Variants in OSBPL9 observed in about 807,000 individuals in gnomAD.
OSBPL9 encodes oxysterol-binding protein-related protein 9.
Under a neutral mutation model 106.6 loss-of-function variants are expected in OSBPL9, and 40 were observed. The ratio of observed to expected loss-of-function variants is 0.38; its 90% CI spans 0.29 to 0.49. The LOEUF (loss-of-function observed/expected upper bound fraction) is 0.49, where lower values mean the gene tolerates loss of function less well. Ranked by LOEUF, OSBPL9 falls within the 20% of genes least tolerant of loss-of-function variation. The pLI is 0.97. For missense variants in OSBPL9, 609 were observed against 887.2 expected, an observed-to-expected ratio of 0.69 and a Z score of 3.98; for synonymous variants, 269 against 295.4, an observed-to-expected ratio of 0.91 and a Z score of 0.92.
chr1:51,578,388 C>G (rs1243698220), intron 1 of OSBPL9, among the ~76,000 whole-genome samples: 2 of 152,168 alleles, frequency 1.3e-5, no homozygotes, highest in Non-Finnish European at 2.9e-5. Context: ...TTTAGGGTGT[C>G]TCAAAACAAG....
upstream of OSBPL9, chr1:51,574,171 T>G (rs1390809780): frequency 6.6e-6 from 1 of 152,218 alleles, no homozygotes; most frequent in African/African-American, 2.4e-5. Context: ...TGAAATTCCT[T>G]TCATTGTCCA....
chr1:51,553,588 C>T, the OSBPL9 span, among the ~76,000 whole-genome samples: 2 of 152,004 alleles, frequency 1.3e-5, no homozygotes, highest in African/African-American at 4.8e-5. Context: ...TAGATCAATG[C>T]ACTACAGCAG....
At chr1:51,558,481 G>A in the OSBPL9 span, among the ~76,000 whole-genome samples, 35 of 151,912 alleles carry the variant, frequency 2.3e-4, 1 homozygote, top group African/African-American at 7.2e-4. Context: ...GTATTTTTCC[G>A]ACTCTGCATT....
At chr1:51,640,415 C>G (rs1303056363) in intron 1 of OSBPL9, among the ~76,000 whole-genome samples, 5 of 152,148 alleles carry the variant, frequency 3.3e-5, no homozygotes, top group Admixed American at 3.3e-4. Flanking sequence ...GTTGGAGATA[C>G]AATTAAGTAG....
chr1:51,641,461 T>A (rs1464449054), intron 1 of OSBPL9, among the ~76,000 whole-genome samples: 1 of 152,178 alleles, frequency 6.6e-6, no homozygotes, highest in Non-Finnish European at 1.5e-5. Context: ...TTTCTCACAT[T>A]AAGTAAGCCA....
chr1:51,788,773 A>C lies in OSBPL9; in HGVS notation c.*984A>C, dbSNP rs1678305625. ...CACCCCACAGTGAACAAAAATAGAT[A>C]GATAGATAGAATAAAATGAATGCCA... On this transcript the variant is annotated 3_prime_UTR_variant, in exon 24 of 24. Transcript: ENST00000428468. Among the ~76,000 whole-genome samples, 1 of 152,168 alleles carries C rather than the reference A, an allele frequency of 6.6e-6. No individual in the cohort carries two copies. Among genetic ancestry groups the C allele is most frequent in the South Asian group, 2.1e-4 (1 of 4,818 alleles).
At chr1:51,577,426 A>C (rs1160836210) in intron 1 of OSBPL9, among the ~76,000 whole-genome samples, 1 of 145,450 alleles carries the variant, frequency 6.9e-6, no homozygotes, top group Non-Finnish European at 1.5e-5. Flanking sequence ...CAAGCGTGCC[A>C]CCACGCCCGG....
intron 9 of OSBPL9, among the ~76,000 whole-genome samples, chr1:51,758,152 A>G (rs1440741477): frequency 6.6e-6 from 1 of 152,150 alleles, no homozygotes; most frequent in Non-Finnish European, 1.5e-5. Flanking sequence ...TACTTTTAAT[A>G]TACATGTTGT....
At chr1:51,591,441 G>A (rs1645275003) in intron 1 of OSBPL9, among the ~76,000 whole-genome samples, 1 of 152,172 alleles carries the variant, frequency 6.6e-6, no homozygotes, top group East Asian at 1.9e-4. Context: ...GAACACCGGG[G>A]GAAATAGAAT....
Position 51,785,814 on chromosome 1 carries a change from A to C in OSBPL9, c.1836A>C (p.Pro612=), listed in dbSNP as rs370562201. 30 of 1,609,724 alleles carry C rather than the reference A, an allele frequency of 1.9e-5. No individual in the cohort carries two copies. The African/African-American group carries it at 3.8e-4, about 20-fold the overall frequency. ...TATTTCCTTTTCTGTTCAGTTCTCC[A>C]AATGACAAGAAGTCTTTTTGCTCAA... The part of the protein sequence containing the change: ...KHRITAEIFS[P]NDKKSFCSIE... Residue 612 remains proline (P), a synonymous_variant, in exon 21 of 24, where the codon CCA becomes CCC. Transcript: ENST00000428468.
intron 1 of OSBPL9, among the ~76,000 whole-genome samples, chr1:51,584,430 C>T (rs1379719274): frequency 6.6e-6 from 1 of 152,054 alleles, no homozygotes; most frequent in African/African-American, 2.4e-5. Context: ...CCTTGCATGG[C>T]CAGGTGCGGT....
chr1:51,752,783 C>T lies in OSBPL9; in HGVS notation c.543+2588C>T, dbSNP rs1225251866. On this transcript the variant is annotated intron_variant, in intron 8 of 23. Coordinates refer to ENST00000428468, the MANE Select transcript of OSBPL9 (RefSeq NM_024586.6). ...TGTGAGATAGCAAGCTGTTTGGTTT[C>T]TCTTCTTACAAGGACACTAATCTTA... The T allele has an allele frequency of 1.4e-5, 4 of 279,854 alleles. No homozygotes were observed. In the East Asian group the frequency reaches 3.4e-4, roughly 23 times the overall value. The allele number at this position is 279,854 out of a possible 1,614,324, so 17.3% of individuals were successfully genotyped here.
At chr1:51,721,126 G>A (rs1282514742) in intron 4 of OSBPL9, among the ~76,000 whole-genome samples, 4 of 151,086 alleles carry the variant, frequency 2.6e-5, no homozygotes, top group African/African-American at 4.9e-5. Context: ...GGTACTGCCT[G>A]TAATTTTATG....
the OSBPL9 span, among the ~76,000 whole-genome samples, chr1:51,558,054 G>T: frequency 4.6e-5 from 7 of 152,284 alleles, no homozygotes; most frequent in African/African-American, 1.7e-4. Flanking sequence ...GCCAAGGCGG[G>T]CAGATCACGA....
chr1:51,544,421 T>A, the OSBPL9 span, among the ~76,000 whole-genome samples: 1 of 152,230 alleles, frequency 6.6e-6, no homozygotes, highest in East Asian at 1.9e-4. Context: ...CTTTTGGGAC[T>A]GGTACTCTGT....
At chr1:51,532,998 A>ATGGTAATTGGTAATTAAT in the OSBPL9 span, among the ~76,000 whole-genome samples, 2 of 152,114 alleles carry the variant, frequency 1.3e-5, no homozygotes, top group African/African-American at 4.8e-5. Context: ...TGGTAATTAA[A>ATGGTAATTGGTAATTAAT]TGGTAATTGG....
chr1:51,733,617 G>A (rs1358296825), intron 4 of OSBPL9, among the ~76,000 whole-genome samples: 4 of 151,964 alleles, frequency 2.6e-5, no homozygotes, highest in African/African-American at 9.7e-5. Flanking sequence ...TCTAATAAAC[G>A]TACAAAAATT....
At chr1:51,585,383 A>C (rs1645241739) in intron 1 of OSBPL9, among the ~76,000 whole-genome samples, 1 of 152,224 alleles carries the variant, frequency 6.6e-6, no homozygotes, top group South Asian at 2.1e-4. Context: ...ATTACTTTGC[A>C]GAGCTGAGAT....
chr1:51,769,641 C>G (rs1673405877), intron 12 of OSBPL9, among the ~76,000 whole-genome samples: 1 of 152,134 alleles, frequency 6.6e-6, no homozygotes, highest in African/African-American at 2.4e-5. Context: ...GACAACTTAG[C>G]CCATTGCAGA....
Sources: allele counts gnomAD v4.1 joint callset (sites outside exome capture counted in the v4.1 genomes callset), GRCh38; gene constraint gnomAD v4.1.1; transcripts MANE v1.5; gene names NCBI Gene and HGNC (gene_info 2026-07-23, HGNC 2026-07-21).